Variants in CSMD2 observed in about 807,000 individuals in gnomAD.
CSMD2 encodes the protein CUB and Sushi multiple domains 2.
CSMD2 carries 130 observed loss-of-function variants against 398.5 expected under a neutral mutation model. That is an observed-to-expected ratio of 0.33 (90% CI 0.28 to 0.38). CSMD2 has a LOEUF of 0.38. CSMD2 is among the 10% of genes least tolerant of loss of function. CSMD2 has a pLI of 1.00. For missense variants in CSMD2, 3,829 were observed against 4,764.9 expected (o/e 0.80, Z 5.78); for synonymous variants, 1,828 against 1,908.5 (o/e 0.96, Z 1.10).
At chr1:34,052,227 G>T (rs1395700690) in intron 2 of CSMD2, among the ~76,000 whole-genome samples, 4 of 151,058 alleles carry the variant, frequency 2.6e-5, no homozygotes, top group Non-Finnish European at 5.9e-5. Flanking sequence ...TTCCCCATCT[G>T]CAGAGTCAAC....
At chr1:33,745,804 A>G (rs1490345327) in intron 13 of CSMD2, among the ~76,000 whole-genome samples, 3 of 152,346 alleles carry the variant, frequency 2.0e-5, no homozygotes, top group Non-Finnish European at 4.4e-5. Context: ...TGTAATATAT[A>G]GTTAATGGCA....
At chr1:33,805,541 G>A (rs1656125863) in intron 10 of CSMD2, among the ~76,000 whole-genome samples, 1 of 152,168 alleles carries the variant, frequency 6.6e-6, no homozygotes, top group Non-Finnish European at 1.5e-5. Context: ...CCAAGTTAGT[G>A]TTAAGGATTG....
In CSMD2 at chr1:33,588,776, G is replaced by C. The variant is rs533889634; in HGVS notation, c.6857-1608C>G. Among the ~76,000 whole-genome samples, 9 of 152,206 alleles carry C rather than the reference G, an allele frequency of 5.9e-5. No homozygotes were observed. The East Asian group carries it at 1.7e-3, about 29-fold the overall frequency. Reference sequence around the variant, plus strand: ...TTGAGACATTATAAAACTCTAGGCAGAAAGAAGGTCTAGCTATGAAAGACT... The same window carrying C: ...TTGAGACATTATAAAACTCTAGGCACAAAGAAGGTCTAGCTATGAAAGACT... On this transcript the variant is annotated intron_variant, in intron 44 of 70. Coordinates refer to ENST00000373381, the MANE Select transcript of CSMD2 (RefSeq NM_001281956.2).
intron 45 of CSMD2, among the ~76,000 whole-genome samples, chr1:33,586,886 A>G (rs1351566712): frequency 1.3e-5 from 2 of 152,226 alleles, no homozygotes; most frequent in Non-Finnish European, 2.9e-5. Context: ...CCAAAAAAAG[A>G]AAACTATTTT....
At chr1:34,030,027 G>A (rs111916963) in intron 3 of CSMD2, among the ~76,000 whole-genome samples, 7 of 152,210 alleles carry the variant, frequency 4.6e-5, no homozygotes, top group East Asian at 1.9e-4. Context: ...TTGAATCACC[G>A]GCCTCTTTGT....
At chr1:34,089,286 C>A (rs963386943) in intron 1 of CSMD2, 93 bp from the exon 2 acceptor site, 4 of 1,240,560 alleles carry the variant, frequency 3.2e-6, no homozygotes, top group African/African-American at 1.5e-5. Context: ...AATCATGAAC[C>A]CACTTTTCCA....
At chr1:34,129,894 C>T (rs1408836031) in intron 1 of CSMD2, among the ~76,000 whole-genome samples, 9 of 152,214 alleles carry the variant, frequency 5.9e-5, no homozygotes, top group Admixed American at 1.3e-4. Context: ...TGACCTGGGG[C>T]GCCCTGCTCA....
At position 33,627,714 on chromosome 1, in the gene CSMD2, T is replaced by C. The variant is rs1248360375; in HGVS notation, c.5201-1133A>G. Among the ~76,000 whole-genome samples, 7 of 152,306 alleles carry C rather than the reference T, an allele frequency of 4.6e-5. No individual in the cohort carries two copies. The East Asian group carries it at 1.4e-3, about 29-fold the overall frequency. On this transcript the variant is annotated intron_variant, in intron 32 of 70. Coordinates refer to ENST00000373381, the MANE Select transcript of CSMD2 (RefSeq NM_001281956.2). ...TAGGAGTCATTGTCCCAGCTAACAG[T>C]TATTGCCCCCAGCTAACATGTAGCT...
At chr1:33,685,454 T>C (rs1645035608) in intron 25 of CSMD2, among the ~76,000 whole-genome samples, 1 of 152,246 alleles carries the variant, frequency 6.6e-6, no homozygotes, top group African/African-American at 2.4e-5. Flanking sequence ...CAGCACTGAG[T>C]AAATGCTCCA....
intron 2 of CSMD2, among the ~76,000 whole-genome samples, chr1:34,085,633 TA>T (rs1274029728): frequency 3.9e-5 from 6 of 152,154 alleles, no homozygotes; most frequent in African/African-American, 9.7e-5. Context: ...TTTTGAGGTT[TA>T]GGGGGAAAAG....
At chr1:33,710,817 C>T (rs1448456932) in intron 21 of CSMD2, among the ~76,000 whole-genome samples, 1 of 152,144 alleles carries the variant, frequency 6.6e-6, no homozygotes, top group African/African-American at 2.4e-5. Flanking sequence ...TGTGTTTTAT[C>T]TTGTCCTAAG....
intron 12 of CSMD2, among the ~76,000 whole-genome samples, chr1:33,777,230 A>G (rs1652110128): frequency 6.7e-6 from 1 of 150,102 alleles, no homozygotes; most frequent in South Asian, 2.1e-4. Flanking sequence ...GATTCAAGGA[A>G]GCATTTGGCA....
chr1:33,903,003 G>T (rs1642854362), intron 5 of CSMD2, among the ~76,000 whole-genome samples: 2 of 152,204 alleles, frequency 1.3e-5, no homozygotes, highest in Admixed American at 1.3e-4. Flanking sequence ...CAGACACAGG[G>T]CACTGCAGCT....
chr1:33,893,542 A>G (rs1425688310), intron 5 of CSMD2, among the ~76,000 whole-genome samples: 1 of 152,170 alleles, frequency 6.6e-6, no homozygotes, highest in East Asian at 1.9e-4. Context: ...AGTTCAAGAG[A>G]GCGATGGAGG....
intron 2 of CSMD2, among the ~76,000 whole-genome samples, chr1:34,058,107 C>T (rs1558313422): frequency 6.6e-6 from 1 of 152,134 alleles, no homozygotes; most frequent in Non-Finnish European, 1.5e-5. Flanking sequence ...AGTGACAACT[C>T]CATTTGCCAA....
At chr1:33,750,547 C>G (rs1370994898) in intron 13 of CSMD2, among the ~76,000 whole-genome samples, 2 of 152,142 alleles carry the variant, frequency 1.3e-5, no homozygotes, top group Non-Finnish European at 2.9e-5. Flanking sequence ...CCTACTTCCT[C>G]CCAGAGGAGG....
intron 44 of CSMD2, among the ~76,000 whole-genome samples, chr1:33,594,932 C>T (rs773175263): frequency 2.0e-5 from 3 of 152,142 alleles, no homozygotes; most frequent in Non-Finnish European, 2.9e-5. Context: ...TTCCATGAAC[C>T]GTTTGCAAGT....
At chr1:34,025,035 A>C (rs1326097851) in intron 3 of CSMD2, among the ~76,000 whole-genome samples, 1 of 152,156 alleles carries the variant, frequency 6.6e-6, no homozygotes, top group East Asian at 1.9e-4. Flanking sequence ...GCACAGTGGC[A>C]TGATCACCTC....
chr1:33,950,363 T>C (rs1323662873), intron 3 of CSMD2, among the ~76,000 whole-genome samples: 1 of 147,244 alleles, frequency 6.8e-6, no homozygotes, highest in African/African-American at 2.6e-5. Flanking sequence ...CAACAATGGC[T>C]CTCCTTATTT....
Sources: allele counts gnomAD v4.1 joint callset (sites outside exome capture counted in the v4.1 genomes callset), GRCh38; gene constraint gnomAD v4.1.1; transcripts MANE v1.5; gene names NCBI Gene and HGNC (gene_info 2026-07-23, HGNC 2026-07-21).